Variants in BMP1 observed in about 807,000 individuals in gnomAD.
The protein encoded by BMP1 is bone morphogenetic protein 1.
In BMP1, 63 loss-of-function variants were observed where a neutral mutation model predicts 116.8. The observed-to-expected ratio is 0.54, with a 90% CI of 0.44 to 0.67. The LOEUF is 0.67. BMP1 is among the 30% of genes least tolerant of loss of function. The pLI, the probability that BMP1 is intolerant of heterozygous loss-of-function variation, is 0.00. For missense variants in BMP1, 1,183 were observed against 1,358.9 expected (o/e 0.87, Z 2.04); for synonymous variants, 536 against 533.4 (o/e 1.00, Z -0.07).
intron 8 of BMP1, among the ~76,000 whole-genome samples, chr8:22,182,472 C>T (rs895003203): frequency 3.3e-5 from 5 of 152,168 alleles, no homozygotes; most frequent in Admixed American, 2.0e-4. Context: ...CCGGGATGTA[C>T]GCTCCTTCTG....
At position 22,177,936 on chromosome 8, in the gene BMP1, A is replaced by G. The variant is rs1828499792; in HGVS notation, c.815A>G (p.Tyr272Cys). 4 of 1,611,840 alleles carry G rather than the reference A, an allele frequency of 2.5e-6. No individual in the cohort carries two copies. The highest frequency in any genetic ancestry group is 2.5e-6 in the Non-Finnish European group (3 of 1,178,440). ...TATGACTTCGACAGCATCATGCATT[A>G]CGCTCGGAACACATTCTCCAGGTGG... ...ETYDFDSIMH[Y>C]ARNTFSRGIF... The change falls in exon 6 of 20, where the codon TAC (tyrosine) becomes TGC (cysteine). Residue 272 changes from tyrosine to cysteine, a missense_variant. Transcript: ENST00000306385.
In BMP1 at chr8:22,194,154, G is replaced by A. The variant is rs1441470496; in HGVS notation, c.1277G>A (p.Gly426Asp). The A allele has an allele frequency of 6.2e-7, 1 of 1,614,178 alleles. No individual in the cohort carries two copies. Among genetic ancestry groups the A allele is most frequent in the Non-Finnish European group, 8.5e-7 (1 of 1,180,018 alleles). Reference sequence around the variant, plus strand: ...AGCAGCAGCAATTGGGTTGGAAAGGGCTTCTTTGCAGTCTACGAAGGTACT... The same window carrying A: ...AGCAGCAGCAATTGGGTTGGAAAGGACTTCTTTGCAGTCTACGAAGGTACT... ...FRSSSNWVGK[G>D]FFAVYEAICG... The change falls in exon 10 of 20, where the codon GGC becomes GAC. Residue 426 changes from glycine (G) to aspartate (D), a missense_variant. Around this residue, in one of 4 missense-constraint regions of BMP1, gnomAD observed 956 missense variants for 1,135.2 expected, o/e 0.84. Transcript: ENST00000306385. This position sits in a 1 kb window ranked among gnomAD's most constrained non-coding sequence, Gnocchi z 4.5.
At chr8:22,195,796 A>G (rs560775678) in intron 13 of BMP1, among the ~76,000 whole-genome samples, 2 of 152,144 alleles carry the variant, frequency 1.3e-5, no homozygotes, top group African/African-American at 2.4e-5. Context: ...ACAGGTGCAC[A>G]TCACCTTGCC....
chr8:22,180,585 C>T lies in BMP1; in HGVS notation c.1077+102C>T, dbSNP rs1828590661. Reference sequence around the variant, plus strand: ...GGTCAATATGGGTGCCAGCGACCTACCTGGCTACCGTAAATGTATCAAGTC... The same window carrying T: ...GGTCAATATGGGTGCCAGCGACCTATCTGGCTACCGTAAATGTATCAAGTC... On this transcript the variant is annotated intron_variant, in intron 8 of 19. Coordinates refer to ENST00000306385, the MANE Select transcript of BMP1 (RefSeq NM_006129.5). 6.7e-6 allele frequency: 7 copies of T among 1,051,390 alleles called. No homozygotes were observed. The Admixed American group carries it at 7.6e-5, about 11-fold the overall frequency. 65.1% of individuals were successfully genotyped at this position (1,051,390 alleles called of 1,614,324 possible). A position where few individuals can be genotyped will look rare whatever the true frequency, so the allele number is the denominator to read the frequency against.
intron 5 of BMP1, chr8:22,177,421 A>G (rs2131850585): frequency 1.5e-6 from 1 of 659,988 alleles, no homozygotes. Context: ...GGGCATGGGC[A>G]TAGTGGGCCG....
At position 22,177,943 on chromosome 8, in the gene BMP1, G is replaced by A. The variant is rs1828500487; in HGVS notation, c.822G>A (p.Arg274=). ...TCGACAGCATCATGCATTACGCTCGGAACACATTCTCCAGGTGGGAGACGG... is the reference window on the plus strand; with the variant it reads ...TCGACAGCATCATGCATTACGCTCGAAACACATTCTCCAGGTGGGAGACGG... ...YDFDSIMHYA[R]NTFSRGIFLD... Residue 274 remains arginine, a synonymous_variant, in exon 6 of 20, where the codon CGG becomes CGA. Coordinates refer to ENST00000306385, the MANE Select transcript of BMP1 (RefSeq NM_006129.5). 1 of 1,610,802 alleles carries A rather than the reference G, an allele frequency of 6.2e-7. No individual in the cohort carries two copies. The highest frequency in any genetic ancestry group is 1.3e-5 in the African/African-American group (1 of 74,844).
intron 5 of BMP1, 148 bp downstream of exon 5, chr8:22,177,287 C>T: frequency 1.2e-6 from 1 of 864,366 alleles, no homozygotes; most frequent in Non-Finnish European, 1.8e-6. Context: ...TGAGCCAGCC[C>T]CTGCCCTTGA....
intron 16 of BMP1, among the ~76,000 whole-genome samples, chr8:22,205,830 T>C (rs993805555): frequency 3.3e-5 from 5 of 152,084 alleles, no homozygotes; most frequent in African/African-American, 9.7e-5. Flanking sequence ...GAAGGTGAGG[T>C]CCTGAGCACC....
chr8:22,181,146 TG>T lies in BMP1; in HGVS notation c.1077+664del, dbSNP rs139885442. ...TCTTTGCTCTGTGGGCCTGATTTTC[TG>T]TGCCTGGCTCTCCACTGGCACTCTA... On this transcript the variant is annotated intron_variant, in intron 8 of 19. Transcript: ENST00000306385. Among the ~76,000 whole-genome samples, 1,317 of 152,348 alleles carry T rather than the reference TG, an allele frequency of 8.6e-3. 13 individuals carry two copies. Among genetic ancestry groups the T allele is most frequent in the Middle Eastern group, 0.014 (4 of 294 alleles).
In BMP1 at chr8:22,212,078, C is replaced by T. The variant is rs77383472; in HGVS notation, c.*350C>T. 3,436 of 261,394 alleles carry T rather than the reference C, an allele frequency of 0.013. 36 individuals are homozygous for T. The highest frequency in any genetic ancestry group is 0.019 in the South Asian group (257 of 13,364). 16.2% of individuals were successfully genotyped at this position (261,394 alleles called of 1,614,324 possible). On this transcript the variant is annotated 3_prime_UTR_variant, in exon 20 of 20. Transcript: ENST00000306385. ...CTCTACACGCTGTATTGTGTATCACCGGGGGCATTATTTTCATTGTAATGT... is the reference window on the plus strand; with the variant it reads ...CTCTACACGCTGTATTGTGTATCACTGGGGGCATTATTTTCATTGTAATGT...
intron 15 of BMP1, among the ~76,000 whole-genome samples, chr8:22,199,837 G>A (rs1829208368): frequency 6.6e-6 from 1 of 152,186 alleles, no homozygotes; most frequent in South Asian, 2.1e-4. Flanking sequence ...TGTTAACTGA[G>A]CAAGAAACCT....
At chr8:22,173,760 C>T in intron 2 of BMP1, 45 bp downstream of exon 2, 6 of 1,501,806 alleles carry the variant, frequency 4.0e-6, no homozygotes, top group Non-Finnish European at 5.5e-6. Flanking sequence ...GAAATGGGTT[C>T]CAGGCTTAGG....
chr8:22,185,390 A>G (rs1441646536), intron 8 of BMP1, among the ~76,000 whole-genome samples: 1 of 151,950 alleles, frequency 6.6e-6, no homozygotes, highest in African/African-American at 2.4e-5. Flanking sequence ...CGGGAGGTGG[A>G]GGTTGCAGTG....
At chr8:22,188,409 A>G (rs994507411) in intron 8 of BMP1, among the ~76,000 whole-genome samples, 2 of 152,020 alleles carry the variant, frequency 1.3e-5, no homozygotes, top group African/African-American at 2.4e-5. Flanking sequence ...AGCTCAAGCG[A>G]TCCTTCCGCC....
At chr8:22,197,532 CAG>C in intron 15 of BMP1, 112 bp downstream of exon 15, 3 of 1,233,724 alleles carry the variant, frequency 2.4e-6, no homozygotes, top group Non-Finnish European at 3.4e-6. Flanking sequence ...GCCAGGCAGG[CAG>C]AGTCTGCCCC....
At position 22,176,263 on chromosome 8, in the gene BMP1, G is replaced by T. The variant is rs199997493; in HGVS notation, c.383G>T (p.Arg128Leu). 1 of 1,612,744 alleles carries T rather than the reference G, an allele frequency of 6.2e-7. No individual in the cohort carries two copies. The change falls in exon 3 of 20, where the codon CGT becomes CTT. Residue 128 changes from arginine to leucine, a missense_variant. Physicochemically the swap from Arg to Leu is moderately radical, Grantham distance 102 (BLOSUM62 -2). Coordinates refer to ENST00000306385, the MANE Select transcript of BMP1 (RefSeq NM_006129.5). ...CGGGCGGCGACGTCCCGACCAGAGC[G>T]TGTGTGGCCCGATGGGGTCATCCCC... ...SRRAATSRPE[R>L]VWPDGVIPFV...
intron 1 of BMP1, among the ~76,000 whole-genome samples, chr8:22,172,112 T>G (rs1162641324): frequency 6.6e-6 from 1 of 152,214 alleles, no homozygotes. Context: ...GAGAAACCTG[T>G]GTAGAAGTCT....
chr8:22,201,082 C>T, intron 15 of BMP1: 1 of 1,601,880 alleles, frequency 6.2e-7, no homozygotes, highest in Non-Finnish European at 8.5e-7. Context: ...CACCCCCACC[C>T]CTTGGTCCCT....
At chr8:22,201,350 TCTC>T in intron 15 of BMP1, 1 of 1,487,154 alleles carries the variant, frequency 6.7e-7, no homozygotes, top group Admixed American at 2.4e-5. Flanking sequence ...GGTGCTCTCT[TCTC>T]CCCACTGTGC....
Sources: gnomAD v4.1 joint callset for allele counts (sites outside exome capture counted in the v4.1 genomes callset) on GRCh38, gnomAD v4.1.1 for gene constraint, gnomAD v4.1.1 regional missense constraint, Gnocchi (gnomAD v3.1) non-coding constraint, MANE v1.5 for transcripts, NCBI Gene and HGNC (gene_info 2026-07-23, HGNC 2026-07-21) for gene names.